Variants in BCL9L observed in about 807,000 individuals in gnomAD.
BCL9L encodes the protein BCL9 like.
A neutral mutation model predicts 99.4 loss-of-function variants in BCL9L; 19 were observed. That is an observed-to-expected ratio of 0.19 (90% CI 0.13 to 0.28). BCL9L has a LOEUF of 0.28. BCL9L is among the 10% of genes least tolerant of loss of function. The pLI, the probability that BCL9L is intolerant of heterozygous loss-of-function variation, is 1.00. For missense variants in BCL9L, 2,023 were observed against 2,101.6 expected, an observed-to-expected ratio of 0.96 and a Z score of 0.73; for synonymous variants, 900 against 854.8, an observed-to-expected ratio of 1.05 and a Z score of -0.92.
chr11:118,920,026 T>TG (rs1377675174), intron 1 of BCL9L, among the ~76,000 whole-genome samples: 1 of 152,180 alleles, frequency 6.6e-6, no homozygotes, highest in African/African-American at 2.4e-5. Flanking sequence ...CAGAGGCCAC[T>TG]GGGGGTGGGG....
rs1324848725 is a variant in BCL9L at position 118,908,443 on chromosome 11, T to C, written c.239A>G (p.His80Arg). ...CGAGATCTGGTTGGCCTTGGCCCCA[T>C]GGTTCCCCGCCCCCACGCCCTTCGA... The part of the protein sequence containing the change: ...VGSKGVGAGN[H>R]GAKANQISPS... Residue 80 changes from histidine (H) to arginine (R), a missense_variant, in exon 4 of 10, where the codon CAT (histidine) becomes CGT (arginine). His to Arg is a conservative substitution (Grantham distance 29). Coordinates refer to ENST00000683865, the MANE Select transcript of BCL9L (RefSeq NM_001378213.1). 4 of 1,613,984 alleles carry C rather than the reference T, an allele frequency of 2.5e-6. 1 individual carries two copies. The African/African-American group carries it at 5.3e-5, about 22-fold the overall frequency.
At chr11:118,920,338 A>G (rs1941102714) in intron 1 of BCL9L, among the ~76,000 whole-genome samples, 1 of 152,192 alleles carries the variant, frequency 6.6e-6, no homozygotes, top group South Asian at 2.1e-4. Context: ...GTCTAAGTGC[A>G]GTAGGAGGGA....
intron 5 of BCL9L, among the ~76,000 whole-genome samples, chr11:118,906,015 C>G (rs1940505360): frequency 6.6e-6 from 1 of 151,982 alleles, no homozygotes; most frequent in Non-Finnish European, 1.5e-5. Context: ...TCAAGATCAG[C>G]CTGGGCAACA....
rs1211500309 is a variant in BCL9L, at chr11:118,921,986, G to A, written c.-130-3107C>T. On this transcript the variant is annotated intron_variant, in intron 1 of 9. Transcript: ENST00000683865. This position sits in a 1 kb window ranked among gnomAD's most constrained non-coding sequence, Gnocchi z 5.4. ...AGAGCAGGCTGTGGGCATCCCCCTG[G>A]GAACCCAAGGCTTTCTTCCTCTCCA... Among the ~76,000 whole-genome samples the A allele has an allele frequency of 6.6e-6, 1 of 152,120 alleles. No homozygotes were observed. Among genetic ancestry groups the A allele is most frequent in the East Asian group, 1.9e-4 (1 of 5,192 alleles).
chr11:118,911,301 C>A lies in BCL9L; in HGVS notation c.-76-1286G>T, dbSNP rs1217387707. ...AGGCCCGGCCAGACACCGGTGCACACTCCTGATGCTCCCTGCGGGGCTGCT... is the reference window on the plus strand; with the variant it reads ...AGGCCCGGCCAGACACCGGTGCACAATCCTGATGCTCCCTGCGGGGCTGCT... On this transcript the variant is annotated intron_variant, in intron 2 of 9. Coordinates refer to ENST00000683865, the MANE Select transcript of BCL9L (RefSeq NM_001378213.1). The A allele has an allele frequency of 6.6e-6, 3 of 454,584 alleles. No homozygotes were observed. In the East Asian group the frequency reaches 2.1e-4, roughly 32 times the overall value. The allele number at this position is 454,584 out of a possible 1,614,324, so 28.2% of individuals were successfully genotyped here.
In BCL9L at chr11:118,898,324, C is replaced by T. The variant is rs571213576; in HGVS notation, c.*91G>A. On this transcript the variant is annotated 3_prime_UTR_variant, in exon 10 of 10. Transcript: ENST00000683865. ...CTCCCACCCCCTCCACCCCACCCCG[C>T]GACCCAGGCCATCCCAACATTGAGG... 458 of 1,289,534 alleles carry T rather than the reference C, an allele frequency of 3.6e-4. 5 individuals are homozygous for T. The highest frequency in any genetic ancestry group is 5.5e-4 in the South Asian group (34 of 61,306). The allele number at this position is 1,289,534 out of a possible 1,614,324, so 79.9% of individuals were successfully genotyped here.
chr11:118,908,321 A>T lies in BCL9L; in HGVS notation c.361T>A (p.Ser121Thr), dbSNP rs1484690482. Residue 121 changes from serine (S) to threonine (T), a missense_variant, in exon 4 of 10, where the codon TCT becomes ACT. Physicochemically the swap from Ser to Thr is moderately conservative, Grantham distance 58. Around this residue, in one of 3 missense-constraint regions of BCL9L, gnomAD observed 1,116 missense variants for 1,194.6 expected, o/e 0.93. Coordinates refer to ENST00000683865, the MANE Select transcript of BCL9L (RefSeq NM_001378213.1). The part of the protein sequence containing the change: ...VKRDRSVSVD[S>T]GEQREAGTPS... ...GTCCCAGCCTCTCGCTGCTCTCCAG[A>T]GTCCACAGACACACTCCGGTCCCTC... 4 of 1,593,934 alleles carry T rather than the reference A, an allele frequency of 2.5e-6. No homozygotes were observed. The highest frequency in any genetic ancestry group is 3.4e-6 in the Non-Finnish European group (4 of 1,167,908).
At chr11:118,912,153 C>T (rs1217261525) in intron 2 of BCL9L, among the ~76,000 whole-genome samples, 1 of 152,238 alleles carries the variant, frequency 6.6e-6, no homozygotes, top group Admixed American at 6.5e-5. Flanking sequence ...CCTCCTCCTC[C>T]ACACACTCAC....
chr11:118,899,397 G>A lies in BCL9L; in HGVS notation c.3518C>T (p.Ala1173Val), dbSNP rs1457223060. 6.3e-7 allele frequency: 1 copy of A among 1,585,934 alleles called. No individual in the cohort carries two copies. The highest frequency in any genetic ancestry group is 8.6e-7 in the Non-Finnish European group (1 of 1,167,580). ...QQPLSHEPPP[A>V]MLPSPTPLGS... ...CAGAGGGGTGGGGGAGGGCAGCATGGCGGGCGGGGGCTCATGGGACAGGGG... is the reference window on the plus strand; with the variant it reads ...CAGAGGGGTGGGGGAGGGCAGCATGACGGGCGGGGGCTCATGGGACAGGGG... The change falls in exon 10 of 10, where the codon GCC (alanine) becomes GTC (valine). Residue 1173 changes from alanine to valine, a missense_variant. Physicochemically the swap from Ala to Val is moderately conservative, Grantham distance 64. Around this residue, in one of 3 missense-constraint regions of BCL9L, gnomAD observed 902 missense variants for 888.2 expected, o/e 1.02. Coordinates refer to ENST00000683865, the MANE Select transcript of BCL9L (RefSeq NM_001378213.1).
At chr11:118,904,215 C>T (rs1035799532) in intron 5 of BCL9L, among the ~76,000 whole-genome samples, 7 of 151,694 alleles carry the variant, frequency 4.6e-5, no homozygotes, top group Non-Finnish European at 8.8e-5. Context: ...TAGAGGCGGG[C>T]GGATCACCTG....
rs760379019 is a variant in BCL9L at position 118,903,106 on chromosome 11, G to A, written c.750-32C>T. On this transcript the variant is annotated intron_variant, in intron 6 of 9. Coordinates refer to ENST00000683865, the MANE Select transcript of BCL9L (RefSeq NM_001378213.1). This position sits in a 1 kb window ranked among gnomAD's most constrained non-coding sequence, Gnocchi z 5.6. The stretch of plus-strand genomic sequence containing the variant: ...AGAGTGGGGGCACCGACAGCTCAGA[G>A]AGGTGAGCAGGAGGGAGCCCCACCC... 1.3e-6 allele frequency: 2 copies of A among 1,555,652 alleles called. No homozygotes were observed. Among genetic ancestry groups the A allele is most frequent in the African/African-American group, 1.4e-5 (1 of 73,988 alleles).
At position 118,898,656 on chromosome 11, in the gene BCL9L, AC is replaced by A; in HGVS notation, c.4258del (p.Val1420SerfsTer9). 1 of 1,610,770 alleles carries A rather than the reference AC, an allele frequency of 6.2e-7. No homozygotes were observed. The highest frequency in any genetic ancestry group is 8.5e-7 in the Non-Finnish European group (1 of 1,178,944). ...CATGAGGCCTTGTGGAGGGGACATG[AC>A]CCCCTGGTGCAGGCCATGGGGCACC... is the stretch of plus-strand genomic sequence containing the variant. ...GMVPHGLHQG[V>X]MSPPQGLMTQ... On this transcript the variant is annotated frameshift_variant, in exon 10 of 10. Transcript: ENST00000683865. LOFTEE classifies it high-confidence loss of function.
chr11:118,907,935 G>A (rs998849507), intron 4 of BCL9L, among the ~76,000 whole-genome samples: 1 of 152,150 alleles, frequency 6.6e-6, no homozygotes, highest in Admixed American at 6.5e-5. Context: ...CCCACCAGCC[G>A]GGATACGGAG....
Position 118,899,165 on chromosome 11 carries a change from G to A in BCL9L, c.3750C>T (p.Gly1250=). 1 of 1,488,674 alleles carries A rather than the reference G, an allele frequency of 6.7e-7. No individual in the cohort carries two copies. Among genetic ancestry groups the A allele is most frequent in the Non-Finnish European group, 9.0e-7 (1 of 1,117,234 alleles). 92.2% of individuals were successfully genotyped at this position (1,488,674 alleles called of 1,614,324 possible). The change falls in exon 10 of 10, where the codon GGC becomes GGT. Residue 1250 remains glycine, a synonymous_variant. Transcript: ENST00000683865. ...APTGGGGGGP[G]LQQHYPSGMA... ...TGCCTGACGGGTAGTGCTGCTGCAG[G>A]CCAGGCCCCCCGCCCCCACCCCCAG...
chr11:118,904,353 T>C (rs1391339485), intron 5 of BCL9L, among the ~76,000 whole-genome samples: 5 of 152,112 alleles, frequency 3.3e-5, no homozygotes, highest in African/African-American at 9.7e-5. Flanking sequence ...GACATGAGAA[T>C]TGCTTGAACT....
In BCL9L at chr11:118,899,991, G is replaced by A. The variant is rs747631037; in HGVS notation, c.3332C>T (p.Ala1111Val). The change falls in exon 9 of 10, where the codon GCC becomes GTC. Residue 1111 changes from alanine (A) to valine (V), a missense_variant. Physicochemically the swap from Ala to Val is moderately conservative, Grantham distance 64. Coordinates refer to ENST00000683865, the MANE Select transcript of BCL9L (RefSeq NM_001378213.1). ...PLYHNAIKTIATSDDELLPDR... is the reference protein window; with the variant it reads ...PLYHNAIKTIVTSDDELLPDR... ...GGGCAGCAGCTCGTCGTCTGAGGTG[G>A]CGATGGTCTTGATGGCATTGTGGTA... 5 of 1,614,130 alleles carry A rather than the reference G, an allele frequency of 3.1e-6. No individual in the cohort carries two copies. The highest frequency in any genetic ancestry group is 2.2e-5 in the South Asian group (2 of 91,088).
At chr11:118,904,867 T>C (rs777502734) in intron 5 of BCL9L, among the ~76,000 whole-genome samples, 12 of 152,142 alleles carry the variant, frequency 7.9e-5, no homozygotes, top group Non-Finnish European at 1.0e-4. Flanking sequence ...CAATTTTACA[T>C]AGAAGAGCAG....
intron 1 of BCL9L, among the ~76,000 whole-genome samples, chr11:118,923,472 T>C (rs1242420425): frequency 6.6e-6 from 1 of 152,168 alleles, no homozygotes; most frequent in African/African-American, 2.4e-5. Context: ...AAATTGCCAC[T>C]GAGGCGCTAG....
In BCL9L at chr11:118,899,408, C is replaced by G; in HGVS notation, c.3507G>C (p.Glu1169Asp). 1 of 1,590,944 alleles carries G rather than the reference C, an allele frequency of 6.3e-7. No individual in the cohort carries two copies. Among genetic ancestry groups the G allele is most frequent in the Non-Finnish European group, 8.5e-7 (1 of 1,170,710 alleles). ...NLPGQQPLSH[E>D]PPPAMLPSPT... Reference sequence around the variant, plus strand: ...GGGAGGGCAGCATGGCGGGCGGGGGCTCATGGGACAGGGGCTGCTGGCCTG... The same window carrying G: ...GGGAGGGCAGCATGGCGGGCGGGGGGTCATGGGACAGGGGCTGCTGGCCTG... Residue 1169 changes from glutamate (E) to aspartate (D), a missense_variant, in exon 10 of 10, where the codon GAG becomes GAC. Physicochemically the swap from Glu to Asp is conservative, Grantham distance 45 (BLOSUM62 2). Coordinates refer to ENST00000683865, the MANE Select transcript of BCL9L (RefSeq NM_001378213.1).
Sources: gnomAD v4.1 joint callset for allele counts (sites outside exome capture counted in the v4.1 genomes callset) on GRCh38, gnomAD v4.1.1 for gene constraint, gnomAD v4.1.1 regional missense constraint, Gnocchi (gnomAD v3.1) non-coding constraint, MANE v1.5 for transcripts, NCBI Gene and HGNC (gene_info 2026-07-23, HGNC 2026-07-21) for gene names.